DSCAM: variants seen among roughly 807,000 people sequenced by gnomAD.
DSCAM encodes the protein cell adhesion molecule DSCAM.
Under a neutral mutation model 217.7 loss-of-function variants are expected in DSCAM, and 47 were observed. The observed-to-expected ratio is 0.22, with a 90% confidence interval of 0.17 to 0.28. The LOEUF is 0.28. Ranked by LOEUF, DSCAM falls within the 10% of genes least tolerant of loss-of-function variation. DSCAM has a pLI of 1.00. For missense variants in DSCAM, 2,080 were observed against 2,618.3 expected, an observed-to-expected ratio of 0.79 and a Z score of 4.49; for synonymous variants, 1,056 against 1,015.3, an observed-to-expected ratio of 1.04 and a Z score of -0.76.
At chr21:40,835,660 G>T (rs970324698) in intron 1 of DSCAM, among the ~76,000 whole-genome samples, 1 of 152,122 alleles carries the variant, frequency 6.6e-6, no homozygotes, top group Non-Finnish European at 1.5e-5. Flanking sequence ...GCCTAGGAGG[G>T]AAAGTTATTT....
chr21:40,747,648 C>A (rs567198881), intron 1 of DSCAM, among the ~76,000 whole-genome samples: 26 of 151,912 alleles, frequency 1.7e-4, no homozygotes, highest in African/African-American at 6.3e-4. Context: ...TACAACTAAT[C>A]TTTCTCACAA....
intron 3 of DSCAM, among the ~76,000 whole-genome samples, chr21:40,413,772 G>A (rs1361084802): frequency 6.6e-6 from 1 of 152,180 alleles, no homozygotes; most frequent in African/African-American, 2.4e-5. Context: ...GGGACCTAAG[G>A]AGCTGATTAG....
chr21:40,435,530 T>G (rs969026275), intron 3 of DSCAM, among the ~76,000 whole-genome samples: 9 of 121,214 alleles, frequency 7.4e-5, no homozygotes, highest in Non-Finnish European at 1.6e-4. Flanking sequence ...AATACAAATT[T>G]AAAAACTGTA....
chr21:40,687,366 C>T (rs891826193), intron 3 of DSCAM, among the ~76,000 whole-genome samples: 1 of 152,086 alleles, frequency 6.6e-6, no homozygotes, highest in African/African-American at 2.4e-5. Flanking sequence ...TCTTTGAGGG[C>T]AGACTCAGGT....
intron 15 of DSCAM, among the ~76,000 whole-genome samples, chr21:40,170,285 G>C (rs538465308): frequency 6.6e-6 from 1 of 152,164 alleles, no homozygotes; most frequent in Admixed American, 6.5e-5. Flanking sequence ...ATATGTTTGC[G>C]TGTCTGTCTT....
intron 3 of DSCAM, among the ~76,000 whole-genome samples, chr21:40,489,716 A>T (rs940602307): frequency 2.3e-5 from 3 of 131,476 alleles, no homozygotes; most frequent in African/African-American, 5.6e-5. Flanking sequence ...CGGAGCTTGC[A>T]GTGAGCCGAG....
intron 8 of DSCAM, among the ~76,000 whole-genome samples, chr21:40,330,225 A>G (rs1398699559): frequency 6.7e-6 from 1 of 148,938 alleles, no homozygotes; most frequent in African/African-American, 2.4e-5. Context: ...GTAATGTAAT[A>G]TATGCAATAC....
At chr21:40,253,872 T>C (rs1198394069) in intron 11 of DSCAM, among the ~76,000 whole-genome samples, 2 of 152,172 alleles carry the variant, frequency 1.3e-5, no homozygotes, top group Admixed American at 6.5e-5. Flanking sequence ...AATTGTTAAG[T>C]ATGGCATTTT....
intron 20 of DSCAM, among the ~76,000 whole-genome samples, chr21:40,100,015 C>T (rs774005592): frequency 3.9e-5 from 6 of 152,144 alleles, no homozygotes; most frequent in African/African-American, 7.2e-5. Context: ...GGACTGGCCA[C>T]GCCTCCTAGA....
At chr21:40,189,469 G>C (rs8128558) in intron 11 of DSCAM, among the ~76,000 whole-genome samples, 57 of 152,230 alleles carry the variant, frequency 3.7e-4, no homozygotes, top group African/African-American at 1.4e-3. Flanking sequence ...TCCACGGCAC[G>C]TTGCTCTTCC....
chr21:40,547,136 G>C (rs1346151321), intron 3 of DSCAM, among the ~76,000 whole-genome samples: 1 of 152,158 alleles, frequency 6.6e-6, no homozygotes, highest in Non-Finnish European at 1.5e-5. Context: ...TCCTGGGGAA[G>C]ACAGCCCAGA....
chr21:40,604,206 A>G (rs900360898), intron 3 of DSCAM, among the ~76,000 whole-genome samples: 4 of 151,770 alleles, frequency 2.6e-5, no homozygotes, highest in African/African-American at 9.7e-5. Flanking sequence ...TCTTGTTTAT[A>G]TCTAGTCTAT....
chr21:40,231,384 C>A (rs1601464775), intron 11 of DSCAM, among the ~76,000 whole-genome samples: 1 of 152,234 alleles, frequency 6.6e-6, no homozygotes. Context: ...GTAAGCCAAT[C>A]TCTGTTGTTG....
At chr21:40,281,437 C>T (rs2073758357) in intron 10 of DSCAM, among the ~76,000 whole-genome samples, 1 of 152,168 alleles carries the variant, frequency 6.6e-6, no homozygotes, top group Admixed American at 6.5e-5. Context: ...AATGTCTCCA[C>T]TCATCAATCA....
intron 3 of DSCAM, among the ~76,000 whole-genome samples, chr21:40,563,988 A>G (rs1040487189): frequency 6.6e-6 from 1 of 152,220 alleles, no homozygotes; most frequent in Non-Finnish European, 1.5e-5. Flanking sequence ...AGCTGTGAGC[A>G]AGGCCAGCCA....
intron 3 of DSCAM, among the ~76,000 whole-genome samples, chr21:40,560,289 C>T (rs568764804): frequency 1.3e-5 from 2 of 152,292 alleles, no homozygotes; most frequent in African/African-American, 4.8e-5. Flanking sequence ...CCTAGAGAAG[C>T]TCAGACAGAG....
At chr21:40,128,042 C>T (rs2090114403) in intron 19 of DSCAM, among the ~76,000 whole-genome samples, 3 of 151,610 alleles carry the variant, frequency 2.0e-5, no homozygotes, top group Admixed American at 1.3e-4. Context: ...GGAAGTCTTC[C>T]CTGATCACCA....
At chr21:40,581,724 A>G (rs2076907230) in intron 3 of DSCAM, among the ~76,000 whole-genome samples, 1 of 152,170 alleles carries the variant, frequency 6.6e-6, no homozygotes, top group Non-Finnish European at 1.5e-5. Context: ...CAAGCCTTCC[A>G]GGGGACACAG....
chr21:40,295,147 A>C (rs1211571633), intron 10 of DSCAM, among the ~76,000 whole-genome samples: 1 of 152,168 alleles, frequency 6.6e-6, no homozygotes, highest in Non-Finnish European at 1.5e-5. Context: ...AATACCTCAC[A>C]ATAATTAAAC....
Sources: allele counts gnomAD v4.1 joint callset (sites outside exome capture counted in the v4.1 genomes callset), GRCh38; gene constraint gnomAD v4.1.1; transcripts MANE v1.5; gene names NCBI Gene and HGNC (gene_info 2026-07-23, HGNC 2026-07-21).